KLHL1: variants seen among roughly 807,000 people sequenced by gnomAD.
KLHL1 encodes the protein kelch-like protein 1.
KLHL1 carries 47 observed loss-of-function variants against 77.7 expected under a neutral mutation model. The observed-to-expected ratio is 0.60, with a 90% CI of 0.48 to 0.77. The LOEUF (loss-of-function observed/expected upper bound fraction) is 0.77. KLHL1 is among the 30% of genes least tolerant of loss of function. KLHL1 has a pLI of 0.00. For missense variants in KLHL1, 925 were observed against 910.8 expected, an observed-to-expected ratio of 1.02 and a Z score of -0.20; for synonymous variants, 360 against 325.2, an observed-to-expected ratio of 1.11 and a Z score of -1.15.
At position 69,826,867 on chromosome 13, in the gene KLHL1, T is replaced by C. The variant is rs557485242; in HGVS notation, c.1414+12109A>G. Among the ~76,000 whole-genome samples, 441 of 152,082 alleles carry C rather than the reference T, an allele frequency of 2.9e-3. 2 individuals are homozygous for C. Among genetic ancestry groups the C allele is most frequent in the Non-Finnish European group, 4.5e-3 (305 of 67,954 alleles). On this transcript the variant is annotated intron_variant, in intron 6 of 10. Transcript: ENST00000377844. ...GTTTAGGATACTTATAGTAAGATTT[T>C]TATTTTAATAAGAATATATTAATTG...
intron 5 of KLHL1, among the ~76,000 whole-genome samples, chr13:69,868,409 G>A (rs965895240): frequency 4.0e-5 from 6 of 150,902 alleles, no homozygotes; most frequent in African/African-American, 9.9e-5. Flanking sequence ...AAAATGACAT[G>A]GACATACATT....
intron 5 of KLHL1, among the ~76,000 whole-genome samples, chr13:69,880,983 C>T (rs1201770728): frequency 6.6e-6 from 1 of 152,114 alleles, no homozygotes; most frequent in Non-Finnish European, 1.5e-5. Context: ...GATTACCCGC[C>T]CAAACTCTAA....
chr13:70,008,725 G>A (rs1885462186), intron 1 of KLHL1, among the ~76,000 whole-genome samples: 3 of 151,942 alleles, frequency 2.0e-5, no homozygotes, highest in Admixed American at 2.0e-4. Context: ...GTAGAGACTT[G>A]AAGACAAAAC....
intron 1 of KLHL1, among the ~76,000 whole-genome samples, chr13:70,006,510 T>TC (rs1311941248): frequency 1.3e-5 from 2 of 151,484 alleles, no homozygotes; most frequent in African/African-American, 2.4e-5. Context: ...AAGTTTTTTT[T>TC]TTTTTTTCAA....
At chr13:69,944,697 T>C (rs1883463726) in intron 3 of KLHL1, among the ~76,000 whole-genome samples, 1 of 152,142 alleles carries the variant, frequency 6.6e-6, no homozygotes, top group Non-Finnish European at 1.5e-5. Flanking sequence ...AGACTTTCTG[T>C]GAAAATTGCA....
chr13:70,066,045 T>G (rs763867633), intron 1 of KLHL1, among the ~76,000 whole-genome samples: 8 of 152,192 alleles, frequency 5.3e-5, no homozygotes, highest in Non-Finnish European at 8.8e-5. Flanking sequence ...CAGACAAAAA[T>G]GTTTTTTAAA....
At chr13:69,719,681 A>G in intron 8 of KLHL1, 100 bp from the exon 9 acceptor site, 1 of 806,678 alleles carries the variant, frequency 1.2e-6, no homozygotes, top group Non-Finnish European at 2.0e-6. Flanking sequence ...TGAGGCTCAA[A>G]CGTGTTGGAA....
At chr13:69,979,559 A>G (rs1344658326) in intron 1 of KLHL1, among the ~76,000 whole-genome samples, 1 of 152,160 alleles carries the variant, frequency 6.6e-6, no homozygotes, top group Non-Finnish European at 1.5e-5. Context: ...CATGTTTTCT[A>G]TAGGTATTAA....
chr13:69,757,638 G>C (rs1054488278), intron 7 of KLHL1, among the ~76,000 whole-genome samples: 1 of 152,158 alleles, frequency 6.6e-6, no homozygotes, highest in East Asian at 1.9e-4. Context: ...TAGGTTAAAG[G>C]TTTAAAGTAC....
At chr13:69,890,940 A>G in intron 4 of KLHL1, among the ~76,000 whole-genome samples, 1 of 152,098 alleles carries the variant, frequency 6.6e-6, no homozygotes, top group East Asian at 1.9e-4. Context: ...TATTCAAATT[A>G]TACAACGAAG....
intron 1 of KLHL1, among the ~76,000 whole-genome samples, chr13:70,042,177 T>C (rs539055976): frequency 6.6e-6 from 1 of 152,196 alleles, no homozygotes; most frequent in Non-Finnish European, 1.5e-5. Context: ...CAACAGAAAG[T>C]ACCACCGTGT....
At chr13:69,811,079 C>A (rs912993612) in intron 6 of KLHL1, among the ~76,000 whole-genome samples, 12 of 151,682 alleles carry the variant, frequency 7.9e-5, no homozygotes, top group Admixed American at 7.2e-4. Context: ...TGAAACAATT[C>A]CAAAAAATCA....
In KLHL1 at chr13:69,773,300, G is replaced by A. The variant is rs1875665314; in HGVS notation, c.1639+23438C>T. Among the ~76,000 whole-genome samples the A allele has an allele frequency of 3.3e-5, 5 of 151,948 alleles. No homozygotes were observed. The South Asian group carries it at 8.3e-4, about 25-fold the overall frequency. ...ACCATGTGTAATGACATTTACTATT[G>A]GCTCTTATTTGCATATGAAAATTGA... On this transcript the variant is annotated intron_variant, in intron 7 of 10. Coordinates refer to ENST00000377844, the MANE Select transcript of KLHL1 (RefSeq NM_020866.3).
At chr13:69,784,247 C>T (rs1474644658) in intron 7 of KLHL1, among the ~76,000 whole-genome samples, 1 of 152,120 alleles carries the variant, frequency 6.6e-6, no homozygotes, top group Non-Finnish European at 1.5e-5. Context: ...AATGTAAAGA[C>T]CATCAAGGCT....
chr13:69,978,575 C>T (rs1278039247), intron 1 of KLHL1, among the ~76,000 whole-genome samples: 1 of 151,622 alleles, frequency 6.6e-6, no homozygotes, highest in African/African-American at 2.4e-5. Context: ...CAACCTCTGC[C>T]CCCCGGGTTC....
At chr13:69,839,662 T>G (rs560581338) in intron 5 of KLHL1, among the ~76,000 whole-genome samples, 1 of 152,034 alleles carries the variant, frequency 6.6e-6, no homozygotes, top group African/African-American at 2.4e-5. Context: ...CTTCATAACA[T>G]CTCTTTAATT....
chr13:69,707,141 G>A (rs555714881), intron 10 of KLHL1, among the ~76,000 whole-genome samples: 13 of 152,018 alleles, frequency 8.6e-5, no homozygotes, highest in Admixed American at 5.3e-4. Context: ...TCTGTTTATG[G>A]CTGTGGGGAT....
chr13:69,876,721 T>C (rs954564627), intron 5 of KLHL1, among the ~76,000 whole-genome samples: 4 of 152,098 alleles, frequency 2.6e-5, no homozygotes, highest in African/African-American at 9.7e-5. Context: ...GTTTGAAAAA[T>C]GTTTCCTTTT....
chr13:69,751,182 G>A (rs1421545591), intron 7 of KLHL1, among the ~76,000 whole-genome samples: 1 of 151,468 alleles, frequency 6.6e-6, no homozygotes, highest in Non-Finnish European at 1.5e-5. Context: ...CATGTGTTAT[G>A]TGTAGGTGTA....
Sources: gnomAD v4.1 joint callset for allele counts (sites outside exome capture counted in the v4.1 genomes callset) on GRCh38, gnomAD v4.1.1 for gene constraint, MANE v1.5 for transcripts, NCBI Gene and HGNC (gene_info 2026-07-23, HGNC 2026-07-21) for gene names.